Variants in KCND2 observed in about 807,000 individuals in gnomAD.
The protein encoded by KCND2 is A-type voltage-gated potassium channel KCND2.
A neutral mutation model predicts 54.4 loss-of-function variants in KCND2; 16 were observed. That is an observed-to-expected ratio of 0.29 (90% CI 0.20 to 0.45). The LOEUF is 0.45. KCND2 is among the 20% of genes least tolerant of loss of function. The pLI is 1.00. For missense variants in KCND2, 486 were observed against 824.2 expected, an observed-to-expected ratio of 0.59 and a Z score of 5.02; for synonymous variants, 317 against 310.7, an observed-to-expected ratio of 1.02 and a Z score of -0.21.
intron 1 of KCND2, among the ~76,000 whole-genome samples, chr7:120,357,700 T>C (rs1800526272): frequency 6.6e-6 from 1 of 152,026 alleles, no homozygotes. Flanking sequence ...AAAAAAATTA[T>C]TTCTCACAGT....
intron 1 of KCND2, among the ~76,000 whole-genome samples, chr7:120,588,729 G>T (rs2116454817): frequency 6.6e-6 from 1 of 152,226 alleles, no homozygotes; most frequent in African/African-American, 2.4e-5. Context: ...GGTGGAGGAA[G>T]GAATGGCAAA....
chr7:120,278,825 CAT>C (rs1021282255), intron 1 of KCND2, among the ~76,000 whole-genome samples: 2 of 151,566 alleles, frequency 1.3e-5, no homozygotes, highest in African/African-American at 4.8e-5. Flanking sequence ...AAGTAGGAAA[CAT>C]AGAAAGCACA....
intron 1 of KCND2, among the ~76,000 whole-genome samples, chr7:120,438,947 A>G (rs1801910006): frequency 6.6e-6 from 1 of 152,134 alleles, no homozygotes; most frequent in African/African-American, 2.4e-5. Context: ...TAACTTTCTT[A>G]TTCATGTCAG....
intron 1 of KCND2, among the ~76,000 whole-genome samples, chr7:120,604,367 C>G (rs1385608277): frequency 1.3e-5 from 2 of 148,692 alleles, no homozygotes; most frequent in Admixed American, 6.7e-5. Context: ...AAGGAAGTAG[C>G]TGGGCAAGTA....
chr7:120,696,443 A>C (rs1249990058), intron 1 of KCND2, among the ~76,000 whole-genome samples: 1 of 152,178 alleles, frequency 6.6e-6, no homozygotes, highest in Non-Finnish European at 1.5e-5. Flanking sequence ...TTGTACTGCC[A>C]TACTAAATTT....
chr7:120,416,272 G>A (rs1404165909), intron 1 of KCND2, among the ~76,000 whole-genome samples: 3 of 152,150 alleles, frequency 2.0e-5, no homozygotes, highest in African/African-American at 7.2e-5. Context: ...TTAATCAGCT[G>A]TTTAATGTGC....
chr7:120,398,272 A>G (rs1377428386), intron 1 of KCND2, among the ~76,000 whole-genome samples: 4 of 121,980 alleles, frequency 3.3e-5, no homozygotes, highest in Non-Finnish European at 7.4e-5. Context: ...GAAAAATAGC[A>G]AAAATATATA....
chr7:120,608,631 GT>G (rs941736059), intron 1 of KCND2, among the ~76,000 whole-genome samples: 4 of 152,100 alleles, frequency 2.6e-5, no homozygotes, highest in African/African-American at 7.2e-5. Context: ...CACTTTAGCT[GT>G]TTGGGCTTCC....
chr7:120,640,894 G>A (rs898319934), intron 1 of KCND2, among the ~76,000 whole-genome samples: 1 of 152,172 alleles, frequency 6.6e-6, no homozygotes, highest in Non-Finnish European at 1.5e-5. Flanking sequence ...CCAGACTTGG[G>A]TGTAAGTCTT....
At chr7:120,725,492 C>T (rs1190424474) in intron 1 of KCND2, among the ~76,000 whole-genome samples, 1 of 152,042 alleles carries the variant, frequency 6.6e-6, no homozygotes, top group Non-Finnish European at 1.5e-5. Context: ...CAAAATACAG[C>T]CTAAATATTA....
At chr7:120,611,490 GT>G (rs1792954371) in intron 1 of KCND2, among the ~76,000 whole-genome samples, 1 of 152,120 alleles carries the variant, frequency 6.6e-6, no homozygotes, top group African/African-American at 2.4e-5. Flanking sequence ...AATGTGAGTG[GT>G]TTTTGCGATT....
chr7:120,461,641 G>C (rs1802285073), intron 1 of KCND2, among the ~76,000 whole-genome samples: 1 of 152,004 alleles, frequency 6.6e-6, no homozygotes. Flanking sequence ...TAACTGTCAG[G>C]GTTTTCTAAG....
At chr7:120,406,440 G>T (rs1431137997) in intron 1 of KCND2, among the ~76,000 whole-genome samples, 1 of 151,982 alleles carries the variant, frequency 6.6e-6, no homozygotes. Flanking sequence ...GGCTTTTAGG[G>T]TGTGCTTCCA....
chr7:120,473,179 G>A (rs1041240513), intron 1 of KCND2, among the ~76,000 whole-genome samples: 11 of 152,180 alleles, frequency 7.2e-5, no homozygotes, highest in Admixed American at 2.6e-4. Flanking sequence ...TGTGAGAGAC[G>A]AGGGTGGAGC....
chr7:120,706,839 C>T (rs1388713808), intron 1 of KCND2, among the ~76,000 whole-genome samples: 1 of 151,988 alleles, frequency 6.6e-6, no homozygotes, highest in Non-Finnish European at 1.5e-5. Flanking sequence ...TAGTGCTCAC[C>T]ACTTTGTGTA....
intron 1 of KCND2, among the ~76,000 whole-genome samples, chr7:120,583,751 G>C (rs1191411484): frequency 1.4e-5 from 2 of 144,026 alleles, no homozygotes; most frequent in Admixed American, 7.0e-5. Flanking sequence ...CACCTTCTGA[G>C]ATACAGGGGT....
intron 1 of KCND2, among the ~76,000 whole-genome samples, chr7:120,372,099 A>G (rs1800773476): frequency 6.6e-6 from 1 of 151,964 alleles, no homozygotes; most frequent in Admixed American, 6.6e-5. Flanking sequence ...TTATCTACCC[A>G]GTAGTGGGAT....
chr7:120,323,827 C>G (rs1256485581), intron 1 of KCND2, among the ~76,000 whole-genome samples: 1 of 98,244 alleles, frequency 1.0e-5, no homozygotes, highest in Admixed American at 1.2e-4. Flanking sequence ...AATGGGATGG[C>G]TGGGTCAAAT....
At chr7:120,385,326 T>A (rs182357900) in intron 1 of KCND2, among the ~76,000 whole-genome samples, 45 of 152,080 alleles carry the variant, frequency 3.0e-4, no homozygotes, top group African/African-American at 9.9e-4. Context: ...ATAAATCCCA[T>A]CATTTCGTAA....
Sources: gnomAD v4.1 joint callset for allele counts (sites outside exome capture counted in the v4.1 genomes callset) on GRCh38, gnomAD v4.1.1 for gene constraint, MANE v1.5 for transcripts, NCBI Gene and HGNC (gene_info 2026-07-23, HGNC 2026-07-21) for gene names.